Variants in MBP observed in about 807,000 individuals in gnomAD.
MBP encodes myelin basic protein.
Under a neutral mutation model 35.8 loss-of-function variants are expected in MBP, and 16 were observed. That is an observed-to-expected ratio of 0.45 (90% CI 0.30 to 0.68). The LOEUF (loss-of-function observed/expected upper bound fraction) is 0.68, where lower values mean the gene tolerates loss of function less well. Ranked by LOEUF, MBP falls within the 30% of genes least tolerant of loss-of-function variation. MBP has a pLI of 0.08. For missense variants in MBP, 380 were observed against 404.7 expected, an observed-to-expected ratio of 0.94 and a Z score of 0.52; for synonymous variants, 143 against 159.6, an observed-to-expected ratio of 0.90 and a Z score of 0.78.
intron 2 of MBP, chr18:77,067,931 A>C (rs1974265096): frequency 2.2e-6 from 1 of 453,434 alleles, no homozygotes; most frequent in Non-Finnish European, 4.4e-6. Context: ...CCTGGAGAGA[A>C]GTCCAGCCCT....
rs142914410 is a variant in MBP, at chr18:77,062,379, G to C, written c.139+3919C>G. Reference sequence around the variant, plus strand: ...GTCAGAAAACGCTTAGCAGCAACTGGTCTACTGAAAAATGGCCTGCTTCCC... The same window carrying C: ...GTCAGAAAACGCTTAGCAGCAACTGCTCTACTGAAAAATGGCCTGCTTCCC... On this transcript the variant is annotated intron_variant, in intron 3 of 8. Transcript: ENST00000355994. Among the ~76,000 whole-genome samples the C allele has an allele frequency of 3.4e-3, 513 of 152,204 alleles. 5 individuals are homozygous for C. Among genetic ancestry groups the C allele is most frequent in the African/African-American group, 0.012 (481 of 41,506 alleles).
intron 4 of MBP, among the ~76,000 whole-genome samples, chr18:77,007,527 G>A (rs1314431081): frequency 3.3e-5 from 5 of 152,206 alleles, no homozygotes; most frequent in African/African-American, 7.2e-5. Flanking sequence ...AGGGTTCTCT[G>A]TCCATTAAGA....
chr18:77,039,937 G>A (rs73968259), intron 3 of MBP, among the ~76,000 whole-genome samples: 4,706 of 152,224 alleles, frequency 0.031, 247 homozygotes, highest in African/African-American at 0.1. Context: ...TGGTGCGGCC[G>A]GCTCTACAGC....
intron 3 of MBP, among the ~76,000 whole-genome samples, chr18:77,059,246 A>C (rs1973866680): frequency 6.6e-6 from 1 of 152,234 alleles, no homozygotes; most frequent in Non-Finnish European, 1.5e-5. Context: ...TGGAATATTA[A>C]GGAGCTATTT....
At position 76,989,859 on chromosome 18, in the gene MBP, C is replaced by A. The variant is rs1426377739; in HGVS notation, c.681+97G>T. 3.7e-6 allele frequency: 4 copies of A among 1,069,752 alleles called. No homozygotes were observed. The highest frequency in any genetic ancestry group is 1.6e-5 in the African/African-American group (1 of 63,948). The allele number at this position is 1,069,752 out of a possible 1,614,324, so 66.3% of individuals were successfully genotyped here. On this transcript the variant is annotated intron_variant, in intron 5 of 8. Coordinates refer to ENST00000355994, the MANE Select transcript of MBP (RefSeq NM_001025101.2). The surrounding 1 kb of genome is among the most constrained non-coding windows in gnomAD (Gnocchi z 4.0). ...CACCCTGATGATGACCCCGGTGCCA[C>A]CCCCGAGCGTACGAACGTCCTGTGT...
chr18:77,042,442 C>T (rs954799507), intron 3 of MBP, among the ~76,000 whole-genome samples: 3 of 152,178 alleles, frequency 2.0e-5, no homozygotes, highest in African/African-American at 2.4e-5. Context: ...AAAACATTTG[C>T]ATGATTTTGT....
rs1463265961 is a variant in MBP, at chr18:77,020,407, A to AACTTGGT, written c.140-3140_140-3139insACCAAGT. Among the ~76,000 whole-genome samples the AACTTGGT allele has an allele frequency of 6.6e-6, 1 of 152,174 alleles. No homozygotes were observed. Among genetic ancestry groups the AACTTGGT allele is most frequent in the Non-Finnish European group, 1.5e-5 (1 of 68,022 alleles). Reference sequence around the variant, plus strand: ...GTTTCCACAAAGGACCTCTTTCAGTAACTGCCCTGGGGTCCCCGTGACCCC... The same window carrying AACTTGGT: ...GTTTCCACAAAGGACCTCTTTCAGTAACTTGGTACTGCCCTGGGGTCCCCGTGACCCC... On this transcript the variant is annotated intron_variant, in intron 3 of 8. Transcript: ENST00000355994. This position sits in a 1 kb window ranked among gnomAD's most constrained non-coding sequence, Gnocchi z 4.1.
intron 4 of MBP, among the ~76,000 whole-genome samples, chr18:77,012,114 C>A (rs187507189): frequency 2.6e-5 from 4 of 152,188 alleles, no homozygotes; most frequent in Admixed American, 6.5e-5. Context: ...AAGGCAGGAC[C>A]GCATCCAAGC....
At position 77,090,334 on chromosome 18, in the gene MBP, G is replaced by A. The variant is rs375627973; in HGVS notation, c.51+14877C>T. On this transcript the variant is annotated intron_variant, in intron 2 of 8. Transcript: ENST00000355994. The stretch of plus-strand genomic sequence containing the variant: ...TCACATCCTACCATTTGCCTCAGCC[G>A]ACAACGTGCTATTCACACTCACGTG... Among the ~76,000 whole-genome samples the A allele has an allele frequency of 1.2e-4, 18 of 152,298 alleles. No individual in the cohort carries two copies. The South Asian group carries it at 2.5e-3, about 21-fold the overall frequency.
chr18:77,124,033 A>C (rs1381162105), intron 1 of MBP, among the ~76,000 whole-genome samples: 1 of 152,148 alleles, frequency 6.6e-6, no homozygotes, highest in Admixed American at 6.5e-5. Flanking sequence ...TCTTGCCTGC[A>C]GGGCAGCATG....
intron 1 of MBP, among the ~76,000 whole-genome samples, chr18:77,107,979 A>G (rs1296388377): frequency 6.6e-6 from 1 of 152,228 alleles, no homozygotes; most frequent in African/African-American, 2.4e-5. Context: ...CAAAACGACA[A>G]CTTGATGTGT....
chr18:77,032,132 G>A (rs1030853761), intron 3 of MBP, among the ~76,000 whole-genome samples: 12 of 152,224 alleles, frequency 7.9e-5, no homozygotes, highest in African/African-American at 2.9e-4. Flanking sequence ...CCCTCTCAAG[G>A]AGGCCGAGCC....
intron 2 of MBP, 50 bp downstream of exon 2, chr18:77,105,161 G>T: frequency 2.5e-6 from 4 of 1,588,480 alleles, no homozygotes; most frequent in Non-Finnish European, 3.5e-6. Flanking sequence ...GGGGATTTGT[G>T]TTTAATAAGA....
chr18:76,990,382 A>C (rs552670165), intron 4 of MBP, among the ~76,000 whole-genome samples: 32 of 152,126 alleles, frequency 2.1e-4, no homozygotes, highest in Non-Finnish European at 4.1e-4. Context: ...AAAATTACTA[A>C]GAAGAGACAT....
intron 2 of MBP, among the ~76,000 whole-genome samples, chr18:77,080,693 A>T (rs78036857): frequency 3.2e-5 from 4 of 125,318 alleles, no homozygotes; most frequent in Admixed American, 1.6e-4. Context: ...TTTATTATTT[A>T]TTTTTTTTAT....
At position 76,992,690 on chromosome 18, in the gene MBP, T is replaced by C. The variant is rs377259047; in HGVS notation, c.577-2630A>G. Reference sequence around the variant, plus strand: ...GAAACAGAAGCAACATGGATGTCCCTCTCCTTCCAGTGTCCTGTGGCCGCC... The same window carrying C: ...GAAACAGAAGCAACATGGATGTCCCCCTCCTTCCAGTGTCCTGTGGCCGCC... On this transcript the variant is annotated intron_variant, in intron 4 of 8. Coordinates refer to ENST00000355994, the MANE Select transcript of MBP (RefSeq NM_001025101.2). 2.6e-4 allele frequency among the ~76,000 whole-genome samples: 40 copies of C among 152,252 alleles called. No homozygotes were observed. The East Asian group carries it at 3.7e-3, about 14-fold the overall frequency.
chr18:76,988,656 A>AG lies in MBP; in HGVS notation c.718-130dup, dbSNP rs1969708584. ...AAAACAGGTTCCACCCGGAGCTCCGAGGGGGGCCGCAGGCTCAGGGCCACA... is the reference window on the plus strand; with the variant it reads ...AAAACAGGTTCCACCCGGAGCTCCGAGGGGGGGCCGCAGGCTCAGGGCCACA... On this transcript the variant is annotated intron_variant, in intron 6 of 8. Transcript: ENST00000355994. The surrounding 1 kb of genome is among the most constrained non-coding windows in gnomAD (Gnocchi z 5.2). The AG allele has an allele frequency of 1.3e-6, 2 of 1,496,262 alleles. No homozygotes were observed. The highest frequency in any genetic ancestry group is 8.9e-7 in the Non-Finnish European group (1 of 1,122,680). 92.7% of individuals were successfully genotyped at this position (1,496,262 alleles called of 1,614,324 possible). A position where few individuals can be genotyped will look rare whatever the true frequency, so the allele number is the denominator to read the frequency against.
At chr18:76,995,126 TAC>T (rs1020048887) in intron 4 of MBP, among the ~76,000 whole-genome samples, 80 of 152,338 alleles carry the variant, frequency 5.3e-4, no homozygotes, top group African/African-American at 1.8e-3. Context: ...ATATTAGGTA[TAC>T]ATTTAGCAAA....
intron 3 of MBP, among the ~76,000 whole-genome samples, chr18:77,059,327 G>A (rs1168105080): frequency 6.6e-6 from 1 of 152,046 alleles, no homozygotes; most frequent in Non-Finnish European, 1.5e-5. Flanking sequence ...AATTCAAAAT[G>A]GAAAATGGGA....
Sources: gnomAD v4.1 joint callset for allele counts (sites outside exome capture counted in the v4.1 genomes callset) on GRCh38, gnomAD v4.1.1 for gene constraint, Gnocchi (gnomAD v3.1) non-coding constraint, MANE v1.5 for transcripts, NCBI Gene and HGNC (gene_info 2026-07-23, HGNC 2026-07-21) for gene names.